Variants in B3GALT1 observed in about 807,000 individuals in gnomAD.
B3GALT1 encodes the protein UDP-Gal:betaGlcNAc beta 1,3-galactosyltransferase, polypeptide 1.
A neutral mutation model predicts 23.2 loss-of-function variants in B3GALT1; 10 were observed. The observed-to-expected ratio is 0.43, with a 90% CI of 0.27 to 0.73. The LOEUF (loss-of-function observed/expected upper bound fraction) is 0.73. B3GALT1 is among the 30% of genes least tolerant of loss of function. The pLI is 0.21. For missense variants in B3GALT1, 299 were observed against 405.4 expected (o/e 0.74, Z 2.25); for synonymous variants, 156 against 141.5 (o/e 1.10, Z -0.73).
intron 1 of B3GALT1, among the ~76,000 whole-genome samples, chr2:167,305,189 C>T (rs1696530084): frequency 1.3e-5 from 2 of 152,230 alleles, no homozygotes; most frequent in South Asian, 4.1e-4. Context: ...GATACTGTGC[C>T]TATGCACATA....
chr2:167,601,761 G>A (rs562303700), intron 2 of B3GALT1, among the ~76,000 whole-genome samples: 150 of 152,330 alleles, frequency 9.8e-4, no homozygotes, highest in East Asian at 3.1e-3. Context: ...ATATTGAGAA[G>A]TGCTTGACTA....
intron 3 of B3GALT1, among the ~76,000 whole-genome samples, chr2:167,797,988 G>A (rs1453782516): frequency 6.6e-6 from 1 of 152,160 alleles, no homozygotes; most frequent in African/African-American, 2.4e-5. Context: ...ACAGGCGTGA[G>A]CCACCATGCC....
intron 3 of B3GALT1, among the ~76,000 whole-genome samples, chr2:167,691,073 AATTG>A (rs1341169055): frequency 2.3e-4 from 35 of 152,168 alleles, no homozygotes; most frequent in Non-Finnish European, 1.5e-5. Flanking sequence ...GAATATAAAT[AATTG>A]ATGTTTAAAT....
rs78477111 is a variant in B3GALT1 at position 167,870,460 on chromosome 2, C to T, written c.*440C>T. On this transcript the variant is annotated 3_prime_UTR_variant, in exon 5 of 5. Transcript: ENST00000392690. ...ACACACTGGATGTGATTATTAATAT[C>T]GTGTGTGTTGTTACATTATATTTTT... 1,468 of 171,814 alleles carry T rather than the reference C, an allele frequency of 8.5e-3. 29 individuals carry two copies. Among genetic ancestry groups the T allele is most frequent in the African/African-American group, 0.034 (1,399 of 41,618 alleles). 10.6% of individuals were successfully genotyped at this position (171,814 alleles called of 1,614,324 possible).
intron 2 of B3GALT1, among the ~76,000 whole-genome samples, chr2:167,597,726 A>T (rs1218602024): frequency 6.6e-6 from 1 of 152,200 alleles, no homozygotes; most frequent in Non-Finnish European, 1.5e-5. Context: ...GAAAAAGTTG[A>T]TTCCAAATCT....
intron 1 of B3GALT1, among the ~76,000 whole-genome samples, chr2:167,340,705 A>G (rs1158347744): frequency 6.6e-6 from 1 of 152,202 alleles, no homozygotes; most frequent in Non-Finnish European, 1.5e-5. Flanking sequence ...TCTGGCTAGC[A>G]GAAGGAAGAG....
intron 2 of B3GALT1, among the ~76,000 whole-genome samples, chr2:167,515,375 G>A (rs933873280): frequency 6.6e-6 from 1 of 152,066 alleles, no homozygotes; most frequent in Non-Finnish European, 1.5e-5. Context: ...AGATGGAGAA[G>A]GTCTTTACTT....
intron 2 of B3GALT1, among the ~76,000 whole-genome samples, chr2:167,562,003 A>C (rs1376311807): frequency 6.6e-6 from 1 of 152,190 alleles, no homozygotes; most frequent in Non-Finnish European, 1.5e-5. Context: ...AACACAACCA[A>C]AAAAGAGAAT....
chr2:167,600,764 A>G (rs929853077), intron 2 of B3GALT1, among the ~76,000 whole-genome samples: 2 of 152,168 alleles, frequency 1.3e-5, no homozygotes, highest in Non-Finnish European at 2.9e-5. Context: ...ATTCCATGGT[A>G]TGGATATATC....
chr2:167,648,123 A>G (rs1009132929), intron 3 of B3GALT1, among the ~76,000 whole-genome samples: 11 of 152,090 alleles, frequency 7.2e-5, no homozygotes, highest in African/African-American at 2.4e-4. Flanking sequence ...CCTCATGATA[A>G]TCTTACCTGG....
chr2:167,795,038 C>G (rs1558981442), intron 3 of B3GALT1, among the ~76,000 whole-genome samples: 1 of 152,156 alleles, frequency 6.6e-6, no homozygotes, highest in Non-Finnish European at 1.5e-5. Flanking sequence ...GAACAAATAA[C>G]ATGGATGAGT....
chr2:167,464,332 C>T (rs1374177998), intron 1 of B3GALT1, among the ~76,000 whole-genome samples: 1 of 152,114 alleles, frequency 6.6e-6, no homozygotes, highest in Non-Finnish European at 1.5e-5. Flanking sequence ...TATAATCATT[C>T]TTCTTTTCAG....
At chr2:167,495,258 A>G (rs1421129699) in intron 2 of B3GALT1, among the ~76,000 whole-genome samples, 1 of 151,076 alleles carries the variant, frequency 6.6e-6, no homozygotes, top group Non-Finnish European at 1.5e-5. Context: ...AGAAAGTGAA[A>G]CTTTGATACA....
At chr2:167,442,664 G>A (rs1391359323) in intron 1 of B3GALT1, among the ~76,000 whole-genome samples, 3 of 150,450 alleles carry the variant, frequency 2.0e-5, no homozygotes, top group Non-Finnish European at 3.0e-5. Context: ...TTTTTTGGCT[G>A]CATAAATGTC....
intron 4 of B3GALT1, among the ~76,000 whole-genome samples, chr2:167,868,448 A>G (rs1034338344): frequency 1.3e-5 from 2 of 151,704 alleles, no homozygotes; most frequent in Non-Finnish European, 1.5e-5. Flanking sequence ...GAGATTTCCT[A>G]TCTTGAAAGA....
intron 1 of B3GALT1, among the ~76,000 whole-genome samples, chr2:167,459,241 GTTGAAATTACTC>G (rs1699219643): frequency 1.3e-5 from 2 of 151,986 alleles, no homozygotes; most frequent in Non-Finnish European, 2.9e-5. Flanking sequence ...GTAGTGAAGT[GTTGAAATTACTC>G]TTTTATTTCC....
intron 3 of B3GALT1, among the ~76,000 whole-genome samples, chr2:167,706,492 G>C (rs1686969344): frequency 6.6e-6 from 1 of 152,172 alleles, no homozygotes; most frequent in Non-Finnish European, 1.5e-5. Flanking sequence ...ACCAAAAGCA[G>C]AGAGACCAAG....
chr2:167,689,190 A>G (rs1450314723), intron 3 of B3GALT1, among the ~76,000 whole-genome samples: 1 of 151,914 alleles, frequency 6.6e-6, no homozygotes, highest in Non-Finnish European at 1.5e-5. Context: ...GAAATGCATT[A>G]CTTATAGAGC....
chr2:167,808,967 G>A (rs1688820783), intron 3 of B3GALT1, among the ~76,000 whole-genome samples: 1 of 152,122 alleles, frequency 6.6e-6, no homozygotes, highest in Non-Finnish European at 1.5e-5. Flanking sequence ...ATATTTCTTG[G>A]AGGCTTTGTT....
Sources: allele counts gnomAD v4.1 joint callset (sites outside exome capture counted in the v4.1 genomes callset), GRCh38; gene constraint gnomAD v4.1.1; transcripts MANE v1.5; gene names NCBI Gene and HGNC (gene_info 2026-07-23, HGNC 2026-07-21).